The following GSE1 variants were observed in gnomAD, a reference collection of about 807,000 sequenced individuals.
GSE1 encodes the protein genetic suppressor element 1.
A neutral mutation model predicts 112.6 loss-of-function variants in GSE1; 32 were observed. That is an observed-to-expected ratio of 0.28 (90% confidence interval 0.21 to 0.38). The LOEUF (loss-of-function observed/expected upper bound fraction) is 0.38, where lower values mean the gene tolerates loss of function less well. Ranked by LOEUF, GSE1 falls within the 10% of genes least tolerant of loss-of-function variation. GSE1 has a pLI of 1.00. For synonymous variants in GSE1, 1,115 were observed against 735.6 expected, an observed-to-expected ratio of 1.52 and a Z score of -8.35; for missense variants, 2,348 against 1,699.2, an observed-to-expected ratio of 1.38 and a Z score of -6.71.
At chr16:85,534,367 C>T (rs148735858) in intron 2 of GSE1, among the ~76,000 whole-genome samples, 4,259 of 152,158 alleles carry the variant, frequency 0.028, 196 homozygotes, top group African/African-American at 0.096. Flanking sequence ...AGTGATCCGC[C>T]CACCTCGGCC....
Position 85,304,231 on chromosome 16 carries a change from G to A in GSE1, c.2284-53232G>A, listed in dbSNP as rs954911856. On this transcript the variant is annotated intron_variant, in intron 1 of 2. Coordinates refer to the GSE1 transcript ENST00000637419. ...TTTATGCCGGGAAACTGAGTCCCAG[G>A]AAAAGGAAGGGATCGATCACTCGGC... Among the ~76,000 whole-genome samples the A allele has an allele frequency of 3.3e-5, 5 of 152,244 alleles. No individual in the cohort carries two copies. The East Asian group carries it at 9.6e-4, about 29-fold the overall frequency.
At chr16:85,366,864 C>G (rs1411558151) in intron 2 of GSE1, among the ~76,000 whole-genome samples, 1 of 152,242 alleles carries the variant, frequency 6.6e-6, no homozygotes, top group Non-Finnish European at 1.5e-5. Context: ...ACTGGAATTT[C>G]TTTCCCAATA....
intron 1 of GSE1, among the ~76,000 whole-genome samples, chr16:85,274,569 T>C (rs925067946): frequency 3.3e-5 from 5 of 152,272 alleles, no homozygotes; most frequent in East Asian, 1.9e-4. Context: ...AAGAGGGCCA[T>C]GAATGGGCAG....
At chr16:85,400,251 G>C (rs8061635) in intron 2 of GSE1, among the ~76,000 whole-genome samples, 279 of 1,806 alleles carry the variant, frequency 0.15, no homozygotes, top group Middle Eastern at 0.5. Context: ...GTGTAGGGTT[G>C]TGTGTGTGTG....
intron 2 of GSE1, among the ~76,000 whole-genome samples, chr16:85,403,144 C>T (rs575578343): frequency 1.3e-5 from 2 of 152,102 alleles, no homozygotes; most frequent in South Asian, 2.1e-4. Flanking sequence ...AGTTCCTTGC[C>T]GGATGCTGGC....
intron 1 of GSE1, among the ~76,000 whole-genome samples, chr16:85,573,467 C>G (rs1048677753): frequency 6.6e-6 from 1 of 152,140 alleles, no homozygotes; most frequent in Admixed American, 6.5e-5. Flanking sequence ...TTTCATTTCT[C>G]TTGGGCATGT....
intron 2 of GSE1, among the ~76,000 whole-genome samples, chr16:85,364,799 C>A (rs1003896242): frequency 6.6e-6 from 1 of 152,180 alleles, no homozygotes; most frequent in Non-Finnish European, 1.5e-5. Flanking sequence ...AGCAGCCACT[C>A]CCCAGCAACT....
upstream of GSE1, among the ~76,000 whole-genome samples, chr16:85,606,421 G>A (rs984583608): frequency 2.6e-5 from 4 of 152,200 alleles, no homozygotes; most frequent in Non-Finnish European, 4.4e-5. Context: ...GGCCCTGAAC[G>A]CGGACCTGGT....
rs1349284426 is a variant in GSE1, at chr16:85,501,012, T to TG, written c.2465-132902_2465-132901insG. Among the ~76,000 whole-genome samples, 92 of 140,314 alleles carry TG rather than the reference T, an allele frequency of 6.6e-4. 1 individual carries two copies. The highest frequency in any genetic ancestry group is 2.2e-4 in the Non-Finnish European group (14 of 64,872). 92.1% of individuals were successfully genotyped at this position (140,314 alleles called of 152,430 possible). A position where few individuals can be genotyped will look rare whatever the true frequency, so the allele number is the denominator to read the frequency against. On this transcript the variant is annotated intron_variant, in intron 2 of 2. Transcript: ENST00000637419. ...TGGCCTGTTCTGTTTTTTTTTTTTTTTTTTTTTTTTTGAGACGGAGTCTCA... is the reference window on the plus strand; with the variant it reads ...TGGCCTGTTCTGTTTTTTTTTTTTTTGTTTTTTTTTTTGAGACGGAGTCTCA...
At chr16:85,377,996 C>T (rs576773839) in intron 2 of GSE1, among the ~76,000 whole-genome samples, 3 of 152,334 alleles carry the variant, frequency 2.0e-5, no homozygotes, top group East Asian at 1.9e-4. Flanking sequence ...CTATCGGCTC[C>T]GTCATCTGCA....
intron 1 of GSE1, among the ~76,000 whole-genome samples, chr16:85,316,171 C>CAT (rs2045981643): frequency 6.6e-6 from 1 of 152,244 alleles, no homozygotes; most frequent in Non-Finnish European, 1.5e-5. Context: ...GCGACACCAG[C>CAT]CACCTATTCC....
chr16:85,663,627 C>T lies in GSE1; in HGVS notation c.2644+13C>T, dbSNP rs374924337. 6.2e-6 allele frequency: 10 copies of T among 1,604,464 alleles called. No individual in the cohort carries two copies. The highest frequency in any genetic ancestry group is 8.5e-6 in the Non-Finnish European group (10 of 1,174,638). ...GAGAAGAGGAAAGGTAGGGCCTCGC[C>T]TGGGTAGGAAGGTGGGGGCTCACTG... On this transcript the variant is annotated intron_variant, in intron 11 of 15. Coordinates refer to ENST00000253458, the MANE Select transcript of GSE1 (RefSeq NM_014615.5).
chr16:85,663,929 G>C (rs541638241), intron 11 of GSE1, among the ~76,000 whole-genome samples: 30 of 152,390 alleles, frequency 2.0e-4, no homozygotes, highest in Admixed American at 1.8e-3. Flanking sequence ...CGTGAGGGGA[G>C]GTGCCAGGTG....
intron 1 of GSE1, among the ~76,000 whole-genome samples, chr16:85,269,772 G>A (rs145169256): frequency 0.016 from 2,358 of 149,360 alleles, 243 homozygotes; most frequent in South Asian, 0.023. Flanking sequence ...CAGGTCTGCT[G>A]GGGTCTCTGG....
intron 1 of GSE1, among the ~76,000 whole-genome samples, chr16:85,562,590 G>A (rs2045571504): frequency 6.6e-6 from 1 of 152,256 alleles, no homozygotes; most frequent in African/African-American, 2.4e-5. Flanking sequence ...CAGGGTGGGA[G>A]CGGCAGGTGG....
intron 2 of GSE1, among the ~76,000 whole-genome samples, chr16:85,529,244 G>T (rs559492736): frequency 6.6e-6 from 1 of 152,202 alleles, no homozygotes; most frequent in East Asian, 1.9e-4. Flanking sequence ...CTGTGCCATC[G>T]GTGTGTGGCC....
intron 1 of GSE1, among the ~76,000 whole-genome samples, chr16:85,282,449 C>T (rs867602568): frequency 1.9e-4 from 29 of 152,136 alleles, no homozygotes; most frequent in African/African-American, 6.5e-4. Flanking sequence ...TGCTGAAAGC[C>T]CGGTTCAGAG....
intron 2 of GSE1, among the ~76,000 whole-genome samples, chr16:85,410,401 T>C (rs1400566206): frequency 1.5e-3 from 25 of 16,744 alleles, no homozygotes; most frequent in Non-Finnish European, 1.8e-3. Flanking sequence ...CAGGCCCCCC[T>C]GGATAATCCT....
At chr16:85,565,396 AAAAAAAAAAC>A (rs935487201) in intron 1 of GSE1, among the ~76,000 whole-genome samples, 11 of 149,610 alleles carry the variant, frequency 7.4e-5, no homozygotes, top group East Asian at 1.9e-4. Context: ...CTCTGTCTCA[AAAAAAAAAAC>A]AAAAAAAAAC....
Sources: allele counts gnomAD v4.1 joint callset (sites outside exome capture counted in the v4.1 genomes callset), GRCh38; gene constraint gnomAD v4.1.1; transcripts MANE v1.5; gene names NCBI Gene and HGNC (gene_info 2026-07-23, HGNC 2026-07-21).